The following BLTP2 variants were observed in gnomAD, a reference collection of about 807,000 sequenced individuals.
The protein encoded by BLTP2 is U937-associated antigen.
chr17:28,643,441 G>C, the BLTP2 span: 1 of 1,391,244 alleles, frequency 7.2e-7, no homozygotes, highest in Non-Finnish European at 1.0e-6. Context: ...TTTCATAGCA[G>C]TTATCAATAT....
chr17:28,643,672 G>C, the BLTP2 span: 4 of 1,613,722 alleles, frequency 2.5e-6, no homozygotes, highest in Admixed American at 5.0e-5. Flanking sequence ...AAAACAGTGA[G>C]GGAGAAAGCT....
the BLTP2 span, chr17:28,616,347 C>T: frequency 5.6e-6 from 9 of 1,614,020 alleles, no homozygotes; most frequent in Non-Finnish European, 7.6e-6. The surrounding 1 kb of genome is among the most constrained non-coding windows in gnomAD (Gnocchi z 4.8). Context: ...AAGACTCTCC[C>T]ATTTTTCTAT....
the BLTP2 span, chr17:28,624,127 A>T: frequency 6.9e-7 from 1 of 1,444,810 alleles, no homozygotes; most frequent in African/African-American, 1.4e-5. Flanking sequence ...GAGAAGGCCA[A>T]ATTTTTTGGA....
chr17:28,644,962 G>A, the BLTP2 span: 1 of 1,554,928 alleles, frequency 6.4e-7, no homozygotes, highest in Non-Finnish European at 8.7e-7. Flanking sequence ...CGCCGCCGCC[G>A]CCGCCGGCGC....
the BLTP2 span, chr17:28,614,864 G>C: frequency 1.8e-6 from 1 of 552,442 alleles, no homozygotes; most frequent in South Asian, 2.9e-5. Flanking sequence ...CTCTGGCCCT[G>C]AGCCTGATCA....
chr17:28,640,142 C>T, the BLTP2 span: 6 of 1,178,384 alleles, frequency 5.1e-6, no homozygotes, highest in Admixed American at 2.3e-5. Flanking sequence ...CTCTTGTAAT[C>T]CCAGCCCTTT....
chr17:28,633,406 G>A, the BLTP2 span: 30 of 1,609,130 alleles, frequency 1.9e-5, no homozygotes, highest in Non-Finnish European at 2.5e-5. Context: ...TGGATCCTAT[G>A]ACCACCCCCG....
the BLTP2 span, among the ~76,000 whole-genome samples, chr17:28,630,459 C>A: frequency 6.7e-6 from 1 of 150,340 alleles, no homozygotes; most frequent in Non-Finnish European, 1.5e-5. Flanking sequence ...GAGCCCAGCC[C>A]CCACTGTTTT....
At chr17:28,625,827 G>A in the BLTP2 span, among the ~76,000 whole-genome samples, 29 of 152,040 alleles carry the variant, frequency 1.9e-4, no homozygotes, top group East Asian at 4.4e-3. Context: ...GTGCAATGGC[G>A]CAATCTCGGC....
At chr17:28,637,900 T>C in the BLTP2 span, 7 of 1,614,138 alleles carry the variant, frequency 4.3e-6, no homozygotes, top group Admixed American at 1.7e-5. Flanking sequence ...TCCACAGTAA[T>C]GACACAGATT....
chr17:28,640,593 G>C, the BLTP2 span: 1 of 1,614,140 alleles, frequency 6.2e-7, no homozygotes, highest in Non-Finnish European at 8.5e-7. Context: ...TACCACGCTT[G>C]TGTTCTCCAT....
chr17:28,617,649 T>A, the BLTP2 span, among the ~76,000 whole-genome samples: 1 of 152,240 alleles, frequency 6.6e-6, no homozygotes, highest in Non-Finnish European at 1.5e-5. Context: ...AGTATTAGAA[T>A]ATTCTATTCC....
chr17:28,635,702 A>G, the BLTP2 span: 1 of 1,307,586 alleles, frequency 7.6e-7, no homozygotes, highest in Non-Finnish European at 1.0e-6. Flanking sequence ...CTGGCTCAAG[A>G]ACCATCTCCA....
the BLTP2 span, chr17:28,642,436 G>A: frequency 1.1e-6 from 1 of 898,094 alleles, no homozygotes; most frequent in Non-Finnish European, 1.9e-6. Context: ...AGGATCATGA[G>A]GTCAGGAGAT....
chr17:28,625,835 G>A, the BLTP2 span, among the ~76,000 whole-genome samples: 190 of 151,972 alleles, frequency 1.3e-3, no homozygotes, highest in African/African-American at 4.4e-3. Context: ...GCGCAATCTC[G>A]GCTCACTGCA....
At chr17:28,643,452 C>T in the BLTP2 span, 1 of 1,362,648 alleles carries the variant, frequency 7.3e-7, no homozygotes, top group Non-Finnish European at 1.0e-6. Context: ...TTATCAATAT[C>T]TTCCTCACAA....
chr17:28,633,416 G>A, the BLTP2 span: 43 of 1,605,238 alleles, frequency 2.7e-5, no homozygotes, highest in South Asian at 6.6e-5. Flanking sequence ...GACCACCCCC[G>A]AGAATTTGGT....
chr17:28,628,871 T>C, the BLTP2 span, among the ~76,000 whole-genome samples: 5 of 149,992 alleles, frequency 3.3e-5, no homozygotes, highest in South Asian at 2.1e-4. Flanking sequence ...CAGGTGGAGG[T>C]TGCAGTGAGC....
At chr17:28,640,665 A>T in the BLTP2 span, 1 of 1,614,136 alleles carries the variant, frequency 6.2e-7, no homozygotes, top group East Asian at 2.2e-5. Flanking sequence ...AGTTGGCTCA[A>T]CTAAGTTTTC....
Sources: gnomAD v4.1 joint callset for allele counts (sites outside exome capture counted in the v4.1 genomes callset) on GRCh38, gnomAD v4.1.1 for gene constraint, Gnocchi (gnomAD v3.1) non-coding constraint, MANE v1.5 for transcripts, NCBI Gene and HGNC (gene_info 2026-07-23, HGNC 2026-07-21) for gene names.